CMPK2: variants seen among roughly 807,000 people sequenced by gnomAD.
The protein encoded by CMPK2 is UMP-CMP kinase 2, mitochondrial.
A neutral mutation model predicts 33.4 loss-of-function variants in CMPK2; 32 were observed. The ratio of observed to expected loss-of-function variants is 0.96; its 90% confidence interval spans 0.72 to 1.29. The LOEUF is 1.29. CMPK2 is among the 50% of genes most tolerant of loss of function. CMPK2 has a pLI of 0.00. For missense variants in CMPK2, 672 were observed against 616.0 expected, an observed-to-expected ratio of 1.09 and a Z score of -0.96; for synonymous variants, 299 against 275.3, an observed-to-expected ratio of 1.09 and a Z score of -0.85.
chr2:6,864,326 G>A (rs893673247), intron 1 of CMPK2: 1 of 152,166 alleles, frequency 6.6e-6, no homozygotes, highest in Admixed American at 6.5e-5. Flanking sequence ...AATACACGTG[G>A]TTGACCTTGC....
intron 4 of CMPK2, 157 bp downstream of exon 4, chr2:6,851,293 C>T: frequency 6.8e-7 from 1 of 1,466,950 alleles, no homozygotes; most frequent in Non-Finnish European, 9.0e-7. Flanking sequence ...TGGTGACAAG[C>T]CCATTGGAAG....
rs1023867040 is a variant in CMPK2 at position 6,851,196 on chromosome 2, G to A, written c.1226+254C>T. The A allele has an allele frequency of 3.1e-5, 40 of 1,295,898 alleles. No homozygotes were observed. In the East Asian group the frequency reaches 1.4e-3, roughly 46 times the overall value. The allele number at this position is 1,295,898 out of a possible 1,614,324, so 80.3% of individuals were successfully genotyped here. On this transcript the variant is annotated intron_variant, in intron 4 of 4. Transcript: ENST00000256722. ...ACACTTACTGTCTTACCCAGGTGCAGCTGCTCCTAGCACAGCCAGGATCAG... is the reference window on the plus strand; with the variant it reads ...ACACTTACTGTCTTACCCAGGTGCAACTGCTCCTAGCACAGCCAGGATCAG...
At chr2:6,858,169 C>A (rs1437822155) in intron 3 of CMPK2, among the ~76,000 whole-genome samples, 1 of 151,704 alleles carries the variant, frequency 6.6e-6, no homozygotes, top group Non-Finnish European at 1.5e-5. Context: ...AGATTTCTTT[C>A]TCCACAGTGC....
chr2:6,865,578 C>T lies in CMPK2; in HGVS notation c.119G>A (p.Cys40Tyr), dbSNP rs1017719043. 4 of 1,379,268 alleles carry T rather than the reference C, an allele frequency of 2.9e-6. No homozygotes were observed. In the African/African-American group the frequency reaches 4.5e-5, roughly 16 times the overall value. 85.4% of individuals were successfully genotyped at this position (1,379,268 alleles called of 1,614,324 possible). A position where few individuals can be genotyped will look rare whatever the true frequency, so the allele number is the denominator to read the frequency against. ...PRRFVLELPDCTLAHFALGAD... is the reference protein window; with the variant it reads ...PRRFVLELPDYTLAHFALGAD... ...GCCTAGGGCGAAGTGAGCCAGGGTGCAGTCGGGAAGCTCCAGGACGAAGCG... is the reference window on the plus strand; with the variant it reads ...GCCTAGGGCGAAGTGAGCCAGGGTGTAGTCGGGAAGCTCCAGGACGAAGCG... Residue 40 changes from cysteine to tyrosine, a missense_variant, in exon 1 of 5, where the codon TGC becomes TAC. Coordinates refer to ENST00000256722, the MANE Select transcript of CMPK2 (RefSeq NM_207315.4).
At chr2:6,860,989 T>C (rs907688731) in intron 3 of CMPK2, among the ~76,000 whole-genome samples, 195 bp downstream of exon 3, 1 of 152,138 alleles carries the variant, frequency 6.6e-6, no homozygotes, top group African/African-American at 2.4e-5. Flanking sequence ...GCAAATGCCG[T>C]GCCTGGTATA....
chr2:6,850,265 T>C lies in CMPK2; in HGVS notation c.1227-292A>G, dbSNP rs866458742. Among the ~76,000 whole-genome samples, 10 of 152,356 alleles carry C rather than the reference T, an allele frequency of 6.6e-5. No individual in the cohort carries two copies. In the Middle Eastern group the frequency reaches 0.014, roughly 207 times the overall value. On this transcript the variant is annotated intron_variant, in intron 4 of 4. Coordinates refer to ENST00000256722, the MANE Select transcript of CMPK2 (RefSeq NM_207315.4). ...AAAGTAACCTTAGGAGGGAAGACTA[T>C]TGTCATCCCTGTTTTGCAGAGAAGG... is the stretch of plus-strand genomic sequence containing the variant.
In CMPK2 at chr2:6,849,719, C is replaced by A; in HGVS notation, c.*131G>T. ...CGATGGCTGAAGTAAAATTAAGATGCCTGGTCTCCAGTTTTCTGCCACACA... is the reference window on the plus strand; with the variant it reads ...CGATGGCTGAAGTAAAATTAAGATGACTGGTCTCCAGTTTTCTGCCACACA... On this transcript the variant is annotated 3_prime_UTR_variant, in exon 5 of 5. Coordinates refer to ENST00000256722, the MANE Select transcript of CMPK2 (RefSeq NM_207315.4). 1 of 1,524,828 alleles carries A rather than the reference C, an allele frequency of 6.6e-7. No individual in the cohort carries two copies. Among genetic ancestry groups the A allele is most frequent in the Non-Finnish European group, 8.7e-7 (1 of 1,147,326 alleles). 94.5% of individuals were successfully genotyped at this position (1,524,828 alleles called of 1,614,324 possible).
In CMPK2 at chr2:6,865,272, G is replaced by A; in HGVS notation, c.425C>T (p.Thr142Ile). 6.5e-7 allele frequency: 1 copy of A among 1,535,624 alleles called. No individual in the cohort carries two copies. The highest frequency in any genetic ancestry group is 8.7e-7 in the Non-Finnish European group (1 of 1,149,374). The change falls in exon 1 of 5, where the codon ACC (threonine) becomes ATC (isoleucine). Residue 142 changes from threonine to isoleucine, a missense_variant. Physicochemically the swap from Thr to Ile is moderately conservative, Grantham distance 89. Coordinates refer to ENST00000256722, the MANE Select transcript of CMPK2 (RefSeq NM_207315.4). The part of the protein sequence containing the change: ...LLRDPLDDPD[T>I]RQALLELLGA... ...CAGCAGCTCGAGCAGCGCTTGCCGG[G>A]TGTCAGGGTCATCCAGGGGGTCGCG...
At chr2:6,858,034 C>A (rs889387391) in intron 3 of CMPK2, among the ~76,000 whole-genome samples, 7 of 152,328 alleles carry the variant, frequency 4.6e-5, no homozygotes, top group Admixed American at 3.9e-4. Context: ...CCCTACAGAC[C>A]TGCCCCAACC....
In CMPK2 at chr2:6,859,753, C is replaced by T. The variant is rs547908854; in HGVS notation, c.992+1431G>A. Among the ~76,000 whole-genome samples the T allele has an allele frequency of 1.5e-4, 23 of 152,330 alleles. 1 individual carries two copies. In the South Asian group the frequency reaches 4.8e-3, roughly 32 times the overall value. Reference sequence around the variant, plus strand: ...CTCTCATGGAGAACCTCTGCTAGGGCAGTGTGGAAGGGAAATGTGGGGTTG... The same window carrying T: ...CTCTCATGGAGAACCTCTGCTAGGGTAGTGTGGAAGGGAAATGTGGGGTTG... On this transcript the variant is annotated intron_variant, in intron 3 of 4. Transcript: ENST00000256722.
intron 3 of CMPK2, among the ~76,000 whole-genome samples, chr2:6,853,111 G>A (rs192708025): frequency 3.7e-4 from 56 of 152,136 alleles, no homozygotes; most frequent in Non-Finnish European, 8.8e-5. Context: ...CACCACGCCC[G>A]GCTAATTTTT....
Position 6,853,764 on chromosome 2 carries a change from T to C in CMPK2, c.993-2081A>G, listed in dbSNP as rs541167234. Among the ~76,000 whole-genome samples, 188 of 152,106 alleles carry C rather than the reference T, an allele frequency of 1.2e-3. 2 individuals carry two copies. The highest frequency in any genetic ancestry group is 4.2e-3 in the African/African-American group (174 of 41,478). ...AAATATACAAAAAATTAGCCGGGCG[T>C]GGTGGCGGGCACCTGTAGTCCCAGC... On this transcript the variant is annotated intron_variant, in intron 3 of 4. Transcript: ENST00000256722.
At position 6,865,398 on chromosome 2, in the gene CMPK2, T is replaced by TGCAGCAGGC. The variant is rs1663041592; in HGVS notation, c.290_298dup (p.Arg97_Leu99dup). 1.5e-6 allele frequency: 2 copies of TGCAGCAGGC among 1,353,406 alleles called. No homozygotes were observed. Among genetic ancestry groups the TGCAGCAGGC allele is most frequent in the African/African-American group, 3.1e-5 (2 of 65,088 alleles). 83.8% of individuals were successfully genotyped at this position (1,353,406 alleles called of 1,614,324 possible). ...CTGGAAGGGGCCGCGGCGCAGCTGG[T>TGCAGCAGGC]GCAGCAGGCGCTGGTGCAGCCGCGC... On this transcript the variant is annotated inframe_insertion, in exon 1 of 5. Coordinates refer to ENST00000256722, the MANE Select transcript of CMPK2 (RefSeq NM_207315.4).
chr2:6,851,530 C>T lies in CMPK2; in HGVS notation c.1146G>A (p.Arg382=). The change falls in exon 4 of 5, where the codon AGG becomes AGA. Residue 382 remains arginine, a synonymous_variant. Coordinates refer to ENST00000256722, the MANE Select transcript of CMPK2 (RefSeq NM_207315.4). ...TGCCCCGGCCCTGCAGCCTCTGCAA[C>T]CTCTCCTCAGGACTCACAGTGAGCA... The part of the protein sequence containing the change: ...ILLLTVSPEE[R]LQRLQGRGME... The T allele has an allele frequency of 6.2e-7, 1 of 1,614,248 alleles. No homozygotes were observed.
At chr2:6,852,342 C>T (rs888127330) in intron 3 of CMPK2, among the ~76,000 whole-genome samples, 1 of 152,164 alleles carries the variant, frequency 6.6e-6, no homozygotes, top group Non-Finnish European at 1.5e-5. Context: ...ACACAAAAGT[C>T]AAATCAGTCT....
intron 3 of CMPK2, among the ~76,000 whole-genome samples, chr2:6,859,134 T>A (rs1662799471): frequency 6.6e-6 from 1 of 152,154 alleles, no homozygotes; most frequent in African/African-American, 2.4e-5. Context: ...ACTTTGAACT[T>A]GAGAGAATAA....
chr2:6,855,890 C>G (rs183795853), intron 3 of CMPK2, among the ~76,000 whole-genome samples: 33 of 152,224 alleles, frequency 2.2e-4, no homozygotes, highest in Admixed American at 2.0e-3. Context: ...GATATACTTT[C>G]AAGAAAGGAG....
At position 6,848,373 on chromosome 2, in the gene CMPK2, ATTGT is replaced by A. The variant is rs779893527; in HGVS notation, c.*1473_*1476del. On this transcript the variant is annotated 3_prime_UTR_variant, in exon 5 of 5. Transcript: ENST00000256722. The stretch of plus-strand genomic sequence containing the variant: ...GTGCCAGGGACATAAAGATACATTA[ATTGT>A]TTGTTTTTCTAGGCTGCCAGTATAA... The A allele has an allele frequency of 3.0e-6, 3 of 985,294 alleles. No homozygotes were observed. Among genetic ancestry groups the A allele is most frequent in the Non-Finnish European group, 2.4e-6 (2 of 829,798 alleles). 61.0% of individuals were successfully genotyped at this position (985,294 alleles called of 1,614,324 possible). A position where few individuals can be genotyped will look rare whatever the true frequency, so the allele number is the denominator to read the frequency against.
downstream of CMPK2, among the ~76,000 whole-genome samples, chr2:6,847,628 C>A (rs1662394879): frequency 6.6e-6 from 1 of 152,170 alleles, no homozygotes; most frequent in South Asian, 2.1e-4. Context: ...GGGGACCCTT[C>A]CCTTGCTATT....
Sources: gnomAD v4.1 joint callset for allele counts (sites outside exome capture counted in the v4.1 genomes callset) on GRCh38, gnomAD v4.1.1 for gene constraint, MANE v1.5 for transcripts, NCBI Gene and HGNC (gene_info 2026-07-23, HGNC 2026-07-21) for gene names.